The following SCIN variants were observed in gnomAD, a reference collection of about 807,000 sequenced individuals.
SCIN encodes the protein scinderin, also known as adseverin.
Under a neutral mutation model 91.8 loss-of-function variants are expected in SCIN, and 91 were observed. The ratio of observed to expected loss-of-function variants is 0.99; its 90% CI spans 0.84 to 1.18. The LOEUF is 1.18. Ranked by LOEUF, SCIN falls within the 50% of genes most tolerant of loss-of-function variation. The pLI, the probability that SCIN is intolerant of heterozygous loss-of-function variation, is 0.00. For synonymous variants in SCIN, 367 were observed against 312.6 expected, an observed-to-expected ratio of 1.17 and a Z score of -1.84; for missense variants, 1,087 against 863.9, an observed-to-expected ratio of 1.26 and a Z score of -3.24.
At chr7:12,626,351 C>T in intron 7 of SCIN, 2 of 498,876 alleles carry the variant, frequency 4.0e-6, no homozygotes, top group South Asian at 5.3e-5. Context: ...TGTAGAAAGA[C>T]AAACTTATTT....
chr7:12,657,455 T>A lies in SCIN; in HGVS notation c.*4740T>A, dbSNP rs2115311358. The A allele has an allele frequency of 6.8e-6, 1 of 146,124 alleles. No homozygotes were observed. Among genetic ancestry groups the A allele is most frequent in the East Asian group, 2.1e-4 (1 of 4,842 alleles). 9.1% of individuals were successfully genotyped at this position (146,124 alleles called of 1,614,324 possible). ...AACTCCTAGACTCAGGAAATCCACC[T>A]GCCTTGGCCTCCCAATATGCTGGGA... is the stretch of plus-strand genomic sequence containing the variant. On this transcript the variant is annotated 3_prime_UTR_variant, in exon 16 of 16. Transcript: ENST00000297029.
In SCIN at chr7:12,629,169, T is replaced by C. The variant is rs1190736879; in HGVS notation, c.1266T>C (p.Gly422=). The C allele has an allele frequency of 1.2e-6, 2 of 1,613,056 alleles. No homozygotes were observed. The highest frequency in any genetic ancestry group is 1.7e-5 in the Admixed American group (1 of 59,962). The change falls in exon 9 of 16, where the codon GGT becomes GGC. Residue 422 remains glycine, a synonymous_variant. Transcript: ENST00000297029. ...DQNSYGEFYG[G]DCYIILYTYP... Reference sequence around the variant, plus strand: ...ACTCATATGGTGAATTCTATGGTGGTGACTGCTACATCATACTCTACACCT... The same window carrying C: ...ACTCATATGGTGAATTCTATGGTGGCGACTGCTACATCATACTCTACACCT...
rs1033062391 is a variant in SCIN, at chr7:12,590,071, G to A, written c.516+8850G>A. Reference sequence around the variant, plus strand: ...ACGCCACTGGATGCCAAGGGACTGAGAAACCTGTTGAGTGATTTGGGAGAT... The same window carrying A: ...ACGCCACTGGATGCCAAGGGACTGAAAAACCTGTTGAGTGATTTGGGAGAT... On this transcript the variant is annotated intron_variant, in intron 3 of 15. Coordinates refer to ENST00000297029, the MANE Select transcript of SCIN (RefSeq NM_001112706.3). Among the ~76,000 whole-genome samples the A allele has an allele frequency of 6.7e-4, 102 of 152,292 alleles. 1 individual carries two copies. Among genetic ancestry groups the A allele is most frequent in the Admixed American group, 6.6e-3 (101 of 15,298 alleles).
intron 3 of SCIN, among the ~76,000 whole-genome samples, chr7:12,591,686 G>A (rs62448299): frequency 0.021 from 3,166 of 152,238 alleles, 52 homozygotes; most frequent in Non-Finnish European, 0.033. Context: ...GAGGGGATGA[G>A]CTAGGAGGGC....
chr7:12,644,594 G>GA lies in SCIN; in HGVS notation c.1772dup (p.Asn591LysfsTer20). On this transcript the variant is annotated frameshift_variant, in exon 13 of 16. Coordinates refer to ENST00000297029, the MANE Select transcript of SCIN (RefSeq NM_001112706.3). LOFTEE classifies it high-confidence loss of function. ...GTGTGTTTTCCACAGAGGAGTTCTGGAATTCCCTTGGAGGGAAAAAAGACT... is the reference window on the plus strand; with the variant it reads ...GTGTGTTTTCCACAGAGGAGTTCTGGAAATTCCCTTGGAGGGAAAAAAGACT... 1.2e-6 allele frequency: 2 copies of GA among 1,611,712 alleles called. No homozygotes were observed. Among genetic ancestry groups the GA allele is most frequent in the Non-Finnish European group, 1.7e-6 (2 of 1,178,922 alleles).
At chr7:12,582,904 T>A (rs1252862932) in intron 3 of SCIN, among the ~76,000 whole-genome samples, 1 of 152,208 alleles carries the variant, frequency 6.6e-6, no homozygotes, top group Non-Finnish European at 1.5e-5. Flanking sequence ...ACTTGTACTC[T>A]AAAGCCCTTT....
rs556075801 is a variant in SCIN at position 12,622,887 on chromosome 7, A to G, written c.753A>G (p.Leu251=). The change falls in exon 5 of 16, where the codon CTA becomes CTG. Residue 251 remains leucine, a synonymous_variant. Transcript: ENST00000297029. The part of the protein sequence containing the change: ...ADISNRKMAK[L]YMVSDASGSM... The stretch of plus-strand genomic sequence containing the variant: ...TAAGTAACAGGAAAATGGCTAAACT[A>G]TACATGGTGAGTTCACTGTAACCAA... The G allele has an allele frequency of 2.5e-5, 40 of 1,609,366 alleles. No individual in the cohort carries two copies. In the African/African-American group the frequency reaches 4.4e-4, roughly 18 times the overall value.
chr7:12,607,542 A>G (rs911381393), intron 4 of SCIN, among the ~76,000 whole-genome samples: 2 of 152,252 alleles, frequency 1.3e-5, no homozygotes, highest in East Asian at 3.8e-4. Context: ...AAGAGATATA[A>G]TGCTTAAGAT....
chr7:12,580,925 G>T, intron 2 of SCIN, 135 bp from the exon 3 acceptor site: 1 of 730,122 alleles, frequency 1.4e-6, no homozygotes, highest in East Asian at 2.8e-5. Context: ...GGAATAGGTG[G>T]CTATTTTAAC....
At chr7:12,574,457 C>G (rs1782329383) in intron 1 of SCIN, among the ~76,000 whole-genome samples, 2 of 152,046 alleles carry the variant, frequency 1.3e-5, no homozygotes, top group African/African-American at 4.8e-5. Flanking sequence ...AACTATACAG[C>G]ATCTTGATTG....
intron 3 of SCIN, 67 bp downstream of exon 3, chr7:12,581,288 A>G (rs1782483640): frequency 6.9e-7 from 1 of 1,445,926 alleles, no homozygotes; most frequent in Admixed American, 2.2e-5. Context: ...AATCATATGT[A>G]CATGTCATTG....
chr7:12,587,543 A>G (rs934511154), intron 3 of SCIN, among the ~76,000 whole-genome samples: 1 of 152,204 alleles, frequency 6.6e-6, no homozygotes, highest in Admixed American at 6.5e-5. Flanking sequence ...ACATATCACT[A>G]CAACACCCTT....
intron 5 of SCIN, among the ~76,000 whole-genome samples, chr7:12,624,626 A>G (rs849802): frequency 0.088 from 13,338 of 152,282 alleles, 657 homozygotes; most frequent in Middle Eastern, 0.14. Flanking sequence ...AAAATGTACA[A>G]GAAATAATCA....
chr7:12,594,427 A>C (rs780598502), intron 3 of SCIN, among the ~76,000 whole-genome samples: 3 of 152,108 alleles, frequency 2.0e-5, no homozygotes, highest in Non-Finnish European at 2.9e-5. Context: ...AGAAAGCCTG[A>C]ATATAAGGAA....
chr7:12,640,328 T>C lies in SCIN; in HGVS notation c.1411-19T>C, dbSNP rs1205739107. On this transcript the variant is annotated intron_variant, in intron 10 of 15. Coordinates refer to ENST00000297029, the MANE Select transcript of SCIN (RefSeq NM_001112706.3). The stretch of plus-strand genomic sequence containing the variant: ...GCACTCTTAATTATATTTCTTTTAT[T>C]CCCCCTCTCCCCCATCAGATCCGAG... 5.9e-6 allele frequency: 9 copies of C among 1,533,816 alleles called. No individual in the cohort carries two copies. Among genetic ancestry groups the C allele is most frequent in the African/African-American group, 1.4e-5 (1 of 70,904 alleles).
intron 4 of SCIN, among the ~76,000 whole-genome samples, chr7:12,620,071 G>T (rs1475488808): frequency 6.6e-6 from 1 of 151,798 alleles, no homozygotes; most frequent in East Asian, 1.9e-4. Flanking sequence ...TCAAATGATA[G>T]ACATATATGT....
intron 3 of SCIN, among the ~76,000 whole-genome samples, chr7:12,604,022 T>C (rs1280947375): frequency 6.6e-6 from 1 of 152,078 alleles, no homozygotes; most frequent in African/African-American, 2.4e-5. Context: ...TTGCTTTACA[T>C]ATATTAATTA....
chr7:12,575,014 A>G (rs557199501), intron 1 of SCIN, among the ~76,000 whole-genome samples: 3 of 152,184 alleles, frequency 2.0e-5, no homozygotes, highest in African/African-American at 7.2e-5. Flanking sequence ...GATATTTTGA[A>G]TGCCATTTTG....
chr7:12,622,572 T>C, intron 4 of SCIN, among the ~76,000 whole-genome samples: 1 of 152,118 alleles, frequency 6.6e-6, no homozygotes, highest in South Asian at 2.1e-4. Context: ...TTGAAATTCA[T>C]TGTTTGAGGT....
Sources: allele counts gnomAD v4.1 joint callset (sites outside exome capture counted in the v4.1 genomes callset), GRCh38; gene constraint gnomAD v4.1.1; transcripts MANE v1.5; gene names NCBI Gene and HGNC (gene_info 2026-07-23, HGNC 2026-07-21).